Variants in PLAUR observed in about 807,000 individuals in gnomAD.
PLAUR encodes the protein urokinase plasminogen activator surface receptor.
PLAUR carries 22 observed loss-of-function variants against 33.4 expected under a neutral mutation model. That is an observed-to-expected ratio of 0.66 (90% CI 0.47 to 0.94). The LOEUF is 0.94. Among genes scored for constraint, PLAUR ranks in the 40% least tolerant of loss-of-function variants. The pLI is 0.00. For missense variants in PLAUR, 408 were observed against 434.7 expected (o/e 0.94, Z 0.55); for synonymous variants, 148 against 167.3 (o/e 0.88, Z 0.89).
At chr19:43,660,335 T>A (rs1479095047) in intron 3 of PLAUR, among the ~76,000 whole-genome samples, 1 of 117,484 alleles carries the variant, frequency 8.5e-6, no homozygotes, top group Admixed American at 8.9e-5. Context: ...CCGGCTAATT[T>A]TTTTTTTTTT....
At chr19:43,668,604 G>A (rs1212365300) in intron 1 of PLAUR, among the ~76,000 whole-genome samples, 1 of 39,192 alleles carries the variant, frequency 2.6e-5, no homozygotes, top group Non-Finnish European at 5.3e-5. Flanking sequence ...CGTAACCCCC[G>A]CCCCTTGGCC....
chr19:43,668,866 G>A (rs1967394531), intron 1 of PLAUR, among the ~76,000 whole-genome samples: 1 of 146,498 alleles, frequency 6.8e-6, no homozygotes, highest in Admixed American at 6.8e-5. Flanking sequence ...TCCTCGGTCT[G>A]TAACCTCTCC....
chr19:43,665,556 C>T, intron 2 of PLAUR, 97 bp from the exon 3 acceptor site: 1 of 1,245,446 alleles, frequency 8.0e-7, no homozygotes, highest in Non-Finnish European at 1.2e-6. Flanking sequence ...CAGGGCTGAT[C>T]TCTGCTAGGC....
rs1425194306 is a variant in PLAUR at position 43,668,100 on chromosome 19, T to G, written c.56-409A>C. 14 of 1,015,776 alleles carry G rather than the reference T, an allele frequency of 1.4e-5. No individual in the cohort carries two copies. In the South Asian group the frequency reaches 2.9e-4, roughly 21 times the overall value. The allele number at this position is 1,015,776 out of a possible 1,614,324, so 62.9% of individuals were successfully genotyped here. On this transcript the variant is annotated intron_variant, in intron 1 of 6. Transcript: ENST00000340093. ...AGTTCTGCTGGGGACGTTCTAGCCT[T>G]GCCCCACCCGCGTCGATCTTTATGT... is the stretch of plus-strand genomic sequence containing the variant.
At position 43,670,158 on chromosome 19, in the gene PLAUR, GTCT is replaced by G; in HGVS notation, c.-41_-39del. On this transcript the variant is annotated 5_prime_UTR_variant, in exon 1 of 7. Transcript: ENST00000340093. ...GCTCCTGTGCGCGGGGTCCCTGCAC[GTCT>G]TCTCTCCTTCTGGCCTCAGGAAGGA... 1 of 1,599,874 alleles carries G rather than the reference GTCT, an allele frequency of 6.3e-7. No homozygotes were observed. The highest frequency in any genetic ancestry group is 8.5e-7 in the Non-Finnish European group (1 of 1,173,060).
chr19:43,663,044 G>A (rs1238185008), intron 3 of PLAUR, among the ~76,000 whole-genome samples: 1 of 152,042 alleles, frequency 6.6e-6, no homozygotes, highest in Non-Finnish European at 1.5e-5. Flanking sequence ...ATCCAGCTTA[G>A]CTGTTGCTTC....
intron 3 of PLAUR, among the ~76,000 whole-genome samples, chr19:43,662,367 G>A (rs534093134): frequency 1.4e-4 from 21 of 152,116 alleles, no homozygotes; most frequent in African/African-American, 4.8e-4. Flanking sequence ...GCATGGTGGC[G>A]GGTGCCTGTA....
chr19:43,658,048 A>C (rs1974283285), intron 3 of PLAUR, among the ~76,000 whole-genome samples: 2 of 132,456 alleles, frequency 1.5e-5, no homozygotes, highest in Non-Finnish European at 3.3e-5. Context: ...AAATTAAAAA[A>C]AAAAAAGAAG....
intron 5 of PLAUR, 41 bp from the exon 6 acceptor site, chr19:43,652,412 T>C: frequency 6.3e-7 from 1 of 1,595,102 alleles, no homozygotes; most frequent in Non-Finnish European, 8.6e-7. Context: ...AGAAAATTAG[T>C]GCTTGGATCT....
chr19:43,665,081 G>A, intron 3 of PLAUR: 1 of 568,366 alleles, frequency 1.8e-6, no homozygotes, highest in Admixed American at 2.9e-5. Flanking sequence ...ACAGTGTTAG[G>A]GTAACATGAA....
intron 3 of PLAUR, among the ~76,000 whole-genome samples, chr19:43,658,931 A>G (rs1974319079): frequency 6.6e-6 from 1 of 152,052 alleles, no homozygotes; most frequent in Non-Finnish European, 1.5e-5. Flanking sequence ...CTTTTCCTTG[A>G]GCCCTACTTT....
chr19:43,659,680 T>C (rs142799971), intron 3 of PLAUR, among the ~76,000 whole-genome samples: 4 of 152,306 alleles, frequency 2.6e-5, no homozygotes, highest in Non-Finnish European at 5.9e-5. Context: ...CTGCTCTTTT[T>C]CTTGAAGTCC....
intron 3 of PLAUR, among the ~76,000 whole-genome samples, chr19:43,657,044 A>G (rs1308122844): frequency 6.6e-6 from 1 of 151,676 alleles, no homozygotes; most frequent in Non-Finnish European, 1.5e-5. Flanking sequence ...CCCGGGTTCA[A>G]GTGATTCTCC....
At chr19:43,657,050 T>C (rs1197696167) in intron 3 of PLAUR, among the ~76,000 whole-genome samples, 1 of 151,858 alleles carries the variant, frequency 6.6e-6, no homozygotes, top group Non-Finnish European at 1.5e-5. Flanking sequence ...TTCAAGTGAT[T>C]CTCCTGCCTC....
At position 43,662,579 on chromosome 19, in the gene PLAUR, T is replaced by C. The variant is rs539061970; in HGVS notation, c.310+2737A>G. Among the ~76,000 whole-genome samples, 7 of 152,262 alleles carry C rather than the reference T, an allele frequency of 4.6e-5. No individual in the cohort carries two copies. In the South Asian group the frequency reaches 1.4e-3, roughly 32 times the overall value. On this transcript the variant is annotated intron_variant, in intron 3 of 6. Transcript: ENST00000340093. ...TGATGCCCCAGTGCTCCCAGGACAA[T>C]GTCTAGAAACCCCTGTGTAACATGC...
At chr19:43,649,190 G>A (rs757147731) in intron 6 of PLAUR, 47 bp from the exon 7 acceptor site, 1 of 1,586,630 alleles carries the variant, frequency 6.3e-7, no homozygotes. Flanking sequence ...CTGGGCCCAG[G>A]ACTGGAATTC....
intron 1 of PLAUR, among the ~76,000 whole-genome samples, chr19:43,669,333 C>A (rs1967417828): frequency 6.6e-6 from 1 of 152,184 alleles, no homozygotes; most frequent in African/African-American, 2.4e-5. Context: ...GGAGACCCAG[C>A]AGCGTGGAGA....
intron 3 of PLAUR, chr19:43,660,616 C>T (rs1472911448): frequency 6.6e-6 from 1 of 151,958 alleles, no homozygotes; most frequent in Admixed American, 6.6e-5. Flanking sequence ...TCAACCCCTC[C>T]TTAGACAACC....
At chr19:43,652,735 C>T (rs578019627) in intron 5 of PLAUR, among the ~76,000 whole-genome samples, 59 of 152,140 alleles carry the variant, frequency 3.9e-4, no homozygotes, top group Admixed American at 1.9e-3. Context: ...ACTGCAGCCT[C>T]GACCACCCCG....
Sources: allele counts gnomAD v4.1 joint callset (sites outside exome capture counted in the v4.1 genomes callset), GRCh38; gene constraint gnomAD v4.1.1; transcripts MANE v1.5; gene names NCBI Gene and HGNC (gene_info 2026-07-23, HGNC 2026-07-21).